Variants in ALDH1L2 observed in about 807,000 individuals in gnomAD.
The protein encoded by ALDH1L2 is aldehyde dehydrogenase 1 family member L2, also known as mitochondrial 10-formyltetrahydrofolate dehydrogenase.
A neutral mutation model predicts 111.0 loss-of-function variants in ALDH1L2; 91 were observed. That is an observed-to-expected ratio of 0.82 (90% CI 0.69 to 0.98). ALDH1L2 has a LOEUF of 0.98. ALDH1L2 is among the 50% of genes least tolerant of loss of function. The pLI is 0.00. For missense variants in ALDH1L2, 995 were observed against 1,126.8 expected (o/e 0.88, Z 1.67); for synonymous variants, 374 against 392.6 (o/e 0.95, Z 0.56).
chr12:105,084,175 G>C (rs966341968), intron 1 of ALDH1L2, among the ~76,000 whole-genome samples: 38 of 152,326 alleles, frequency 2.5e-4, no homozygotes, highest in African/African-American at 8.9e-4. Context: ...ACAATGGCCT[G>C]CGTGCCAGTT....
chr12:105,063,167 T>G (rs1877108029), intron 6 of ALDH1L2, 145 bp from the exon 7 acceptor site: 4 of 992,196 alleles, frequency 4.0e-6, no homozygotes, highest in Non-Finnish European at 5.5e-6. Context: ...AGAAACTGTC[T>G]CAAACATCCA....
intron 18 of ALDH1L2, among the ~76,000 whole-genome samples, 187 bp downstream of exon 18, chr12:105,037,916 C>G (rs922722528): frequency 6.6e-6 from 1 of 152,036 alleles, no homozygotes; most frequent in Non-Finnish European, 1.5e-5. Context: ...AGGTGCCCAC[C>G]ACCACGCACG....
At chr12:105,037,877 G>A (rs1875252993) in intron 18 of ALDH1L2, among the ~76,000 whole-genome samples, 1 of 151,566 alleles carries the variant, frequency 6.6e-6, no homozygotes, top group Non-Finnish European at 1.5e-5. Context: ...AGATTCTCCT[G>A]CCTCAGCCTC....
At chr12:105,072,980 G>GA (rs1410776289) in intron 2 of ALDH1L2, among the ~76,000 whole-genome samples, 6 of 152,118 alleles carry the variant, frequency 3.9e-5, no homozygotes, top group Non-Finnish European at 7.4e-5. Context: ...TCTCAAAAAA[G>GA]AAAAAAGTAC....
intron 13 of ALDH1L2, 108 bp from the exon 14 acceptor site, chr12:105,047,077 GAA>G: frequency 1.6e-6 from 2 of 1,248,444 alleles, no homozygotes; most frequent in Non-Finnish European, 2.3e-6. Flanking sequence ...TAGCTGATAT[GAA>G]AAGAGCGTTT....
At chr12:105,051,939 C>T (rs900404300) in intron 12 of ALDH1L2, 151 bp downstream of exon 12, 1 of 595,462 alleles carries the variant, frequency 1.7e-6, no homozygotes, top group Non-Finnish European at 2.5e-6. Context: ...CACGTGCCAC[C>T]ACTCACGCCT....
rs775000707 is a variant in ALDH1L2 at position 105,046,714 on chromosome 12, G to C, written c.1859C>G (p.Ala620Gly). 1.2e-6 allele frequency: 2 copies of C among 1,613,892 alleles called. No individual in the cohort carries two copies. The highest frequency in any genetic ancestry group is 2.2e-5 in the South Asian group (2 of 91,074). ...CCTGGCCCTTTGTGGCCTTACCTGTGCTGGCTTGAGCACTAAGGTATTGCC... is the reference window on the plus strand; with the variant it reads ...CCTGGCCCTTTGTGGCCTTACCTGTCCTGGCTTGAGCACTAAGGTATTGCC... ...AAGNTLVLKP[A>G]QVTPLTALKF... is the part of the protein sequence containing the mutation. Residue 620 changes from alanine to glycine, a missense_variant, in exon 15 of 23, where the codon GCA becomes GGA. Physicochemically the swap from Ala to Gly is moderately conservative, Grantham distance 60. Coordinates refer to ENST00000258494, the MANE Select transcript of ALDH1L2 (RefSeq NM_001034173.4).
At chr12:105,048,282 C>CT (rs1355110039) in intron 13 of ALDH1L2, 2 of 152,326 alleles carry the variant, frequency 1.3e-5, no homozygotes, top group Admixed American at 1.3e-4. Flanking sequence ...GAGAAAATAA[C>CT]TTTAACAACA....
At chr12:105,032,174 C>CTTT (rs59767606) in intron 19 of ALDH1L2, among the ~76,000 whole-genome samples, 31 of 105,834 alleles carry the variant, frequency 2.9e-4, no homozygotes, top group Non-Finnish European at 3.9e-4. Context: ...CCTCGAACTT[C>CTTT]TTTTTTTTTT....
chr12:105,030,277 G>A (rs974068382), intron 21 of ALDH1L2, 47 bp downstream of exon 21: 2 of 1,491,994 alleles, frequency 1.3e-6, no homozygotes, highest in African/African-American at 1.4e-5. Context: ...GGGGAAAAAT[G>A]ACTTATCTAG....
At chr12:105,030,268 G>A (rs1181085728) in intron 21 of ALDH1L2, 56 bp downstream of exon 21, 1 of 1,408,528 alleles carries the variant, frequency 7.1e-7, no homozygotes. Flanking sequence ...AGTGGCAAAG[G>A]GGAAAAATGA....
At chr12:105,025,083 A>G (rs1377587386) in intron 22 of ALDH1L2, among the ~76,000 whole-genome samples, 2 of 152,322 alleles carry the variant, frequency 1.3e-5, no homozygotes, top group African/African-American at 4.8e-5. Flanking sequence ...GACTGTTTCT[A>G]TTTTGAGCCA....
At chr12:105,044,252 G>A (rs1183961369) in intron 15 of ALDH1L2, among the ~76,000 whole-genome samples, 1 of 152,032 alleles carries the variant, frequency 6.6e-6, no homozygotes, top group Non-Finnish European at 1.5e-5. Flanking sequence ...GTAATTTTTG[G>A]ACATTATATA....
intron 6 of ALDH1L2, 101 bp downstream of exon 6, chr12:105,065,166 T>G: frequency 4.2e-6 from 3 of 714,126 alleles, no homozygotes; most frequent in Non-Finnish European, 4.7e-6. Context: ...ACCTGCCTCA[T>G]GACCAAGGAA....
intron 19 of ALDH1L2, 63 bp from the exon 20 acceptor site, chr12:105,031,997 G>A: frequency 6.5e-7 from 1 of 1,543,994 alleles, no homozygotes. Flanking sequence ...TTTCTACCAA[G>A]TGGTAGGTGT....
At position 105,030,414 on chromosome 12, in the gene ALDH1L2, G is replaced by A. The variant is rs371697197; in HGVS notation, c.2426C>T (p.Pro809Leu). 1.1e-5 allele frequency: 17 copies of A among 1,605,656 alleles called. No homozygotes were observed. Among genetic ancestry groups the A allele is most frequent in the East Asian group, 4.5e-5 (2 of 44,668 alleles). Reference sequence around the variant, plus strand: ...GTCTTCCACATCTGTGAACACGGTCGGCTCCATGAAAAAGCCTTTTTGGAA... The same window carrying A: ...GTCTTCCACATCTGTGAACACGGTCAGCTCCATGAAAAAGCCTTTTTGGAA... Reference protein sequence around the residue: ...QVQRPGFFMEPTVFTDVEDYM... With the variant: ...QVQRPGFFMELTVFTDVEDYM... Residue 809 changes from proline (P) to leucine (L), a missense_variant, in exon 21 of 23, where the codon CCG (proline) becomes CTG (leucine). By Grantham distance (98) the Pro-to-Leu change is moderately conservative. Transcript: ENST00000258494.
intron 21 of ALDH1L2, 154 bp downstream of exon 21, chr12:105,030,170 G>A (rs1874622356): frequency 2.0e-6 from 1 of 495,526 alleles, no homozygotes; most frequent in East Asian, 3.5e-5. Context: ...ACGATGGTTA[G>A]CAAAAGCGTA....
intron 12 of ALDH1L2, chr12:105,050,786 A>G (rs1382436655): frequency 2.1e-5 from 8 of 385,914 alleles, no homozygotes; most frequent in South Asian, 1.2e-4. Context: ...ACTGCCCTTT[A>G]TAAAACCATC....
intron 17 of ALDH1L2, among the ~76,000 whole-genome samples, chr12:105,039,043 A>T (rs891515436): frequency 6.6e-6 from 1 of 152,342 alleles, no homozygotes; most frequent in African/African-American, 2.4e-5. Context: ...GAAAAAAATC[A>T]CAAAATTCCA....
Sources: allele counts gnomAD v4.1 joint callset (sites outside exome capture counted in the v4.1 genomes callset), GRCh38; gene constraint gnomAD v4.1.1; transcripts MANE v1.5; gene names NCBI Gene and HGNC (gene_info 2026-07-23, HGNC 2026-07-21).